RAB34: variants seen among roughly 807,000 people sequenced by gnomAD.
The protein encoded by RAB34 is ras-related protein Rab-34.
Under a neutral mutation model 39.0 loss-of-function variants are expected in RAB34, and 33 were observed. That is an observed-to-expected ratio of 0.85 (90% CI 0.64 to 1.13). RAB34 has a LOEUF of 1.13. Ranked by LOEUF, RAB34 falls within the 50% of genes most tolerant of loss-of-function variation. RAB34 has a pLI of 0.00. For synonymous variants in RAB34, 135 were observed against 125.1 expected (o/e 1.08, Z -0.53); for missense variants, 289 against 326.1 (o/e 0.89, Z 0.88).
At chr17:28,718,026 G>T (rs1307812988), upstream of RAB34, 4 of 1,138,904 alleles carry the variant, frequency 3.5e-6, no homozygotes, top group Non-Finnish European at 4.5e-6. Flanking sequence ...CACCAGGACC[G>T]CCCCGACCCA....
chr17:28,714,480 G>T lies in RAB34; in HGVS notation c.*163C>A. 1 of 1,505,110 alleles carries T rather than the reference G, an allele frequency of 6.6e-7. No individual in the cohort carries two copies. 93.2% of individuals were successfully genotyped at this position (1,505,110 alleles called of 1,614,324 possible). A position where few individuals can be genotyped will look rare whatever the true frequency, so the allele number is the denominator to read the frequency against. On this transcript the variant is annotated 3_prime_UTR_variant, in exon 10 of 10. Transcript: ENST00000395245. Reference sequence around the variant, plus strand: ...GGCACGGTGCCTGGGGGCAGGAAGTGACTAGCATGATCCCAGCTACCCCTC... The same window carrying T: ...GGCACGGTGCCTGGGGGCAGGAAGTTACTAGCATGATCCCAGCTACCCCTC...
At position 28,715,633 on chromosome 17, in the gene RAB34, C is replaced by A; in HGVS notation, c.379+8G>T. 1 of 1,614,166 alleles carries A rather than the reference C, an allele frequency of 6.2e-7. No individual in the cohort carries two copies. Among genetic ancestry groups the A allele is most frequent in the Non-Finnish European group, 8.5e-7 (1 of 1,180,030 alleles). ...GACCCACCTACCCCACTTCACCCAG[C>A]CCCTTACCTTGAGCTCCTCTATAGT... On this transcript the variant is annotated splice_region_variant and intron_variant, in intron 5 of 9. Transcript: ENST00000395245.
upstream of RAB34, chr17:28,718,397 G>A: frequency 1.4e-6 from 1 of 717,878 alleles, no homozygotes. Flanking sequence ...GAAGTCTGGC[G>A]TCTTTTCCTT....
At chr17:28,716,220 G>T in intron 2 of RAB34, 162 bp from the exon 3 acceptor site, 1 of 893,272 alleles carries the variant, frequency 1.1e-6, no homozygotes, top group Non-Finnish European at 1.7e-6. Context: ...TGCTGGGGAG[G>T]AGGAGTGTTT....
In RAB34 at chr17:28,717,378, C is replaced by A; in HGVS notation, c.-112G>T. 6.6e-7 allele frequency: 1 copy of A among 1,526,262 alleles called. No individual in the cohort carries two copies. The highest frequency in any genetic ancestry group is 8.8e-7 in the Non-Finnish European group (1 of 1,140,008). 94.5% of individuals were successfully genotyped at this position (1,526,262 alleles called of 1,614,324 possible). On this transcript the variant is annotated 5_prime_UTR_variant, in exon 1 of 10. Coordinates refer to ENST00000395245, the MANE Select transcript of RAB34 (RefSeq NM_031934.6). The stretch of plus-strand genomic sequence containing the variant: ...ACCCGCGGCCGGGGTGTCCCGACTA[C>A]AACTCGGGGCCACGGGGACCCTACG...
chr17:28,718,197 A>C, upstream of RAB34: 2 of 1,606,580 alleles, frequency 1.2e-6, no homozygotes, highest in Non-Finnish European at 1.7e-6. Flanking sequence ...AGGGAGGGGA[A>C]AGGGGGAGAG....
upstream of RAB34, chr17:28,718,256 G>A: frequency 6.4e-7 from 1 of 1,558,628 alleles, no homozygotes; most frequent in Non-Finnish European, 8.7e-7. Context: ...CCAGGCCTGG[G>A]AGGTGACTCA....
chr17:28,716,594 G>A lies in RAB34; in HGVS notation c.146+309C>T, dbSNP rs1257144535. On this transcript the variant is annotated intron_variant, in intron 2 of 9. Transcript: ENST00000395245. ...AATAAGACTCATCCCTGTAAGCACAGCCAGACCCCTGCCCTGGGGCTCCAT... is the reference window on the plus strand; with the variant it reads ...AATAAGACTCATCCCTGTAAGCACAACCAGACCCCTGCCCTGGGGCTCCAT... 2.4e-5 allele frequency: 8 copies of A among 327,350 alleles called. No individual in the cohort carries two copies. In the South Asian group the frequency reaches 3.9e-4, roughly 16 times the overall value. 20.3% of individuals were successfully genotyped at this position (327,350 alleles called of 1,614,324 possible).
intron 6 of RAB34, 82 bp downstream of exon 6, chr17:28,715,374 A>C (rs566798231): frequency 6.3e-7 from 1 of 1,594,726 alleles, no homozygotes; most frequent in East Asian, 2.2e-5. Flanking sequence ...TCCTACATGC[A>C]TTCTTCTTCT....
chr17:28,717,844 T>C lies in RAB34; in HGVS notation c.-578A>G. On this transcript the variant is annotated 5_prime_UTR_variant, in exon 1 of 10. Coordinates refer to ENST00000395245, the MANE Select transcript of RAB34 (RefSeq NM_031934.6). ...CCGGCTACAGGGCCTCGAGTCCCACTCCGCTCGGGCTCCGCCAACGCTGTA... is the reference window on the plus strand; with the variant it reads ...CCGGCTACAGGGCCTCGAGTCCCACCCCGCTCGGGCTCCGCCAACGCTGTA... The C allele has an allele frequency of 7.4e-7, 1 of 1,347,064 alleles. No homozygotes were observed. The allele number at this position is 1,347,064 out of a possible 1,614,324, so 83.4% of individuals were successfully genotyped here.
chr17:28,715,411 C>T, intron 6 of RAB34, 45 bp downstream of exon 6: 1 of 1,611,816 alleles, frequency 6.2e-7, no homozygotes, highest in Non-Finnish European at 8.5e-7. Flanking sequence ...GTTCTGAACC[C>T]TCTCTTCCCG....
At chr17:28,717,949 G>GCC, upstream of RAB34, 2 of 770,278 alleles carry the variant, frequency 2.6e-6, no homozygotes, top group Non-Finnish European at 1.5e-6. Context: ...GCCCGCCCTC[G>GCC]CCACCCCCTC....
At position 28,716,054 on chromosome 17, in the gene RAB34, T is replaced by G; in HGVS notation, c.151A>C (p.Lys51Gln). The G allele has an allele frequency of 6.2e-7, 1 of 1,613,870 alleles. No individual in the cohort carries two copies. Among genetic ancestry groups the G allele is most frequent in the Non-Finnish European group, 8.5e-7 (1 of 1,179,980 alleles). The change falls in exon 3 of 10, where the codon AAG becomes CAG. Residue 51 changes from lysine (K) to glutamine (Q), a missense_variant. Lys to Gln is a moderately conservative substitution (Grantham distance 53). Coordinates refer to ENST00000395245, the MANE Select transcript of RAB34 (RefSeq NM_031934.6). ...QEHRTGTVGF[K>Q]ISKVIVVGDL... ...CCCACCACAATGACCTTGGAGATCT[T>G]AAATCTGCTGGACACAAGAGTGGGC... is the stretch of plus-strand genomic sequence containing the variant.
intron 2 of RAB34, 76 bp from the exon 3 acceptor site, chr17:28,716,134 G>A: frequency 6.2e-7 from 1 of 1,600,020 alleles, no homozygotes; most frequent in Non-Finnish European, 8.5e-7. Flanking sequence ...CTCCCGACTA[G>A]GTCCAGAAAG....
At chr17:28,716,633 G>A (rs759156776) in intron 2 of RAB34, 4 of 377,096 alleles carry the variant, frequency 1.1e-5, no homozygotes, top group Non-Finnish European at 1.9e-5. Context: ...TGCTATGTGG[G>A]GATCTGAGCA....
chr17:28,717,200 C>A lies in RAB34; in HGVS notation c.54+13G>T, dbSNP rs754332201. ...GGCTGTAGACTGAAGCCCGACGTGG[C>A]CCCGGCGCCTACCTGGGGCAGCTCC... is the stretch of plus-strand genomic sequence containing the variant. On this transcript the variant is annotated intron_variant, in intron 1 of 9. Coordinates refer to ENST00000395245, the MANE Select transcript of RAB34 (RefSeq NM_031934.6). 6.3e-7 allele frequency: 1 copy of A among 1,594,856 alleles called. No homozygotes were observed. The highest frequency in any genetic ancestry group is 1.3e-5 in the African/African-American group (1 of 74,604).
In RAB34 at chr17:28,717,791, C is replaced by T; in HGVS notation, c.-525G>A. 4.5e-6 allele frequency: 6 copies of T among 1,323,410 alleles called. No homozygotes were observed. Among genetic ancestry groups the T allele is most frequent in the East Asian group, 3.1e-5 (1 of 32,144 alleles). The allele number at this position is 1,323,410 out of a possible 1,614,324, so 82.0% of individuals were successfully genotyped here. On this transcript the variant is annotated 5_prime_UTR_variant, in exon 1 of 10. Coordinates refer to ENST00000395245, the MANE Select transcript of RAB34 (RefSeq NM_031934.6). ...GGCGGCGCTGCCAAGGCCCGCAGGC[C>T]GCTGGAGGAGGGGGCGAGGGGCCCA...
Position 28,714,890 on chromosome 17 carries a change from G to T in RAB34, c.615C>A (p.Val205=), listed in dbSNP as rs1420377109. 2 of 1,613,864 alleles carry T rather than the reference G, an allele frequency of 1.2e-6. No homozygotes were observed. Among genetic ancestry groups the T allele is most frequent in the Admixed American group, 3.3e-5 (2 of 60,002 alleles). The change falls in exon 9 of 10, where the codon GTC becomes GTA. Residue 205 remains valine, a synonymous_variant. Coordinates refer to ENST00000395245, the MANE Select transcript of RAB34 (RefSeq NM_031934.6). Reference sequence around the variant, plus strand: ...CTGCCACACGGAAGAAGAATTCTCGGACATTCTCACCTGACACAGAGAGCA... The same window carrying T: ...CTGCCACACGGAAGAAGAATTCTCGTACATTCTCACCTGACACAGAGAGCA... ...WAVSSLTGEN[V]REFFFRVAAL...
Position 28,715,405 on chromosome 17 carries a change from T to C in RAB34, c.431+51A>G, listed in dbSNP as rs1447922279. 3 of 1,610,700 alleles carry C rather than the reference T, an allele frequency of 1.9e-6. No homozygotes were observed. The South Asian group carries it at 3.3e-5, about 18-fold the overall frequency. ...CTTCTTCCTGACCACCCCTCTGTTC[T>C]GAACCCTCTCTTCCCGGAGCCTCCC... On this transcript the variant is annotated intron_variant, in intron 6 of 9. Transcript: ENST00000395245.
Sources: allele counts gnomAD v4.1 joint callset, GRCh38; gene constraint gnomAD v4.1.1; transcripts MANE v1.5; gene names NCBI Gene and HGNC (gene_info 2026-07-23, HGNC 2026-07-21).